Variants in GOLGA4 observed in about 807,000 individuals in gnomAD.
GOLGA4 encodes golgin A4.
In GOLGA4, 169 loss-of-function variants were observed where a neutral mutation model predicts 265.9. The ratio of observed to expected loss-of-function variants is 0.64; its 90% CI spans 0.56 to 0.72. The LOEUF (loss-of-function observed/expected upper bound fraction) is 0.72. Among genes scored for constraint, GOLGA4 ranks in the 30% least tolerant of loss-of-function variants. The pLI, the probability that GOLGA4 is intolerant of heterozygous loss-of-function variation, is 0.00. For missense variants in GOLGA4, 2,482 were observed against 2,483.4 expected, an observed-to-expected ratio of 1.00 and a Z score of 0.01; for synonymous variants, 923 against 855.8, an observed-to-expected ratio of 1.08 and a Z score of -1.37.
chr3:37,329,252 T>G, intron 16 of GOLGA4, 159 bp downstream of exon 16: 1 of 511,356 alleles, frequency 2.0e-6, no homozygotes, highest in Non-Finnish European at 3.3e-6. Flanking sequence ...TGCAGATTTA[T>G]AAAGTTGAGT....
chr3:37,306,501 CTGTGTGTGTGTGTGTGTG>C (rs35641880), intron 10 of GOLGA4, among the ~76,000 whole-genome samples: 15 of 140,212 alleles, frequency 1.1e-4, no homozygotes, highest in Admixed American at 1.4e-4. Context: ...TGGCTGTTCT[CTGTGTGTGTGTGTGTGTG>C]TGTGTGTGTG....
intron 2 of GOLGA4, among the ~76,000 whole-genome samples, chr3:37,257,931 ATATACATACATATATATGTATG>A (rs2096754607): frequency 8.9e-6 from 1 of 111,888 alleles, no homozygotes; most frequent in African/African-American, 4.3e-5. Flanking sequence ...ATATATGTAT[ATATACATACATATATATGTATG>A]TATATATGTA....
At chr3:37,316,156 C>T (rs900730695) in intron 11 of GOLGA4, among the ~76,000 whole-genome samples, 18 of 151,372 alleles carry the variant, frequency 1.2e-4, no homozygotes, top group African/African-American at 4.1e-4. Context: ...ATCATCATGG[C>T]CCCTCCCTGC....
chr3:37,315,669 T>C, intron 11 of GOLGA4, 71 bp downstream of exon 11: 1 of 1,235,820 alleles, frequency 8.1e-7, no homozygotes, highest in South Asian at 1.3e-5. Context: ...CTTACACTCT[T>C]TGACTGTAAA....
chr3:37,321,631 T>G lies in GOLGA4; in HGVS notation c.1546-100T>G. The G allele has an allele frequency of 4.8e-6, 5 of 1,043,256 alleles. No individual in the cohort carries two copies. The South Asian group carries it at 8.0e-5, about 17-fold the overall frequency. The allele number at this position is 1,043,256 out of a possible 1,614,324, so 64.6% of individuals were successfully genotyped here. ...GATGACGTTACCTATCCAACAGGGC[T>G]GGGTGCAGATCAAAAGAAATGAATG... is the stretch of plus-strand genomic sequence containing the variant. On this transcript the variant is annotated intron_variant, in intron 12 of 23. Coordinates refer to ENST00000361924, the MANE Select transcript of GOLGA4 (RefSeq NM_002078.5).
intron 2 of GOLGA4, among the ~76,000 whole-genome samples, chr3:37,265,409 A>G (rs1225995796): frequency 6.6e-6 from 1 of 152,232 alleles, no homozygotes; most frequent in Non-Finnish European, 1.5e-5. Context: ...GTATGTAAGT[A>G]CAAATAAATG....
chr3:37,304,753 A>C (rs949424824), intron 10 of GOLGA4, among the ~76,000 whole-genome samples: 21 of 152,090 alleles, frequency 1.4e-4, no homozygotes, highest in African/African-American at 4.6e-4. Flanking sequence ...TGCGGATAAA[A>C]TTTTCTGGTA....
At chr3:37,302,550 C>T (rs186623249) in intron 10 of GOLGA4, among the ~76,000 whole-genome samples, 1 of 152,292 alleles carries the variant, frequency 6.6e-6, no homozygotes. Context: ...AGCCCTTAGG[C>T]TAAGGATGAT....
intron 9 of GOLGA4, among the ~76,000 whole-genome samples, chr3:37,300,415 G>A (rs577234897): frequency 2.6e-5 from 4 of 152,024 alleles, no homozygotes; most frequent in East Asian, 1.9e-4. Flanking sequence ...AAATGTATTG[G>A]CAATCTTTTT....
At chr3:37,309,037 GA>G (rs1252661993) in intron 10 of GOLGA4, among the ~76,000 whole-genome samples, 2 of 151,270 alleles carry the variant, frequency 1.3e-5, no homozygotes, top group East Asian at 2.0e-4. Context: ...GATCACTTGA[GA>G]GCCAGGGGTT....
At chr3:37,260,827 TA>T (rs1203407761) in intron 2 of GOLGA4, among the ~76,000 whole-genome samples, 1 of 151,884 alleles carries the variant, frequency 6.6e-6, no homozygotes, top group Non-Finnish European at 1.5e-5. Flanking sequence ...CTGAAATAAA[TA>T]ATAATAGTTT....
rs1227210968 is a variant in GOLGA4 at position 37,366,751 on chromosome 3, A to G, written c.*705A>G. On this transcript the variant is annotated 3_prime_UTR_variant, in exon 24 of 24. Transcript: ENST00000361924. The stretch of plus-strand genomic sequence containing the variant: ...AAATAAAGTTTATTTACTATATAAC[A>G]TTTGTTTATTGTACTTGTTCCTCAG... The G allele has an allele frequency of 2.6e-5, 4 of 152,514 alleles. No individual in the cohort carries two copies. Among genetic ancestry groups the G allele is most frequent in the African/African-American group, 9.6e-5 (4 of 41,474 alleles). 9.4% of individuals were successfully genotyped at this position (152,514 alleles called of 1,614,324 possible).
chr3:37,335,514 T>G (rs1194473402), intron 17 of GOLGA4, among the ~76,000 whole-genome samples: 4 of 152,182 alleles, frequency 2.6e-5, no homozygotes, highest in African/African-American at 4.8e-5. Context: ...TGGTCCATTG[T>G]AAATGTGATA....
At chr3:37,276,483 G>A (rs895887806) in intron 2 of GOLGA4, 45 of 1,610,152 alleles carry the variant, frequency 2.8e-5, no homozygotes, top group Non-Finnish European at 3.4e-5. Context: ...TTCACATGTG[G>A]CAAATGTAAA....
chr3:37,281,961 G>C lies in GOLGA4; in HGVS notation c.166G>C (p.Gly56Arg). The change falls in exon 3 of 24, where the codon GGT becomes CGT. Residue 56 changes from glycine to arginine, a missense_variant. By Grantham distance (125) the Gly-to-Arg change is moderately radical. Transcript: ENST00000361924. ...TTCTGTTGGGTTTTGGTTGCAGTCA[G>C]GTGACACACAGTCTTTTGCACAGAA... is the stretch of plus-strand genomic sequence containing the variant. ...LDEGTPNRESGDTQSFAQKLQ... is the reference protein window; with the variant it reads ...LDEGTPNRESRDTQSFAQKLQ... The C allele has an allele frequency of 1.2e-6, 2 of 1,610,102 alleles. No individual in the cohort carries two copies. Among genetic ancestry groups the C allele is most frequent in the Non-Finnish European group, 1.7e-6 (2 of 1,177,256 alleles).
At chr3:37,355,998 A>G (rs1301242015) in intron 22 of GOLGA4, among the ~76,000 whole-genome samples, 2 of 152,078 alleles carry the variant, frequency 1.3e-5, no homozygotes, top group African/African-American at 4.8e-5. Context: ...CTTTTCCTTA[A>G]TGGTGGGTTA....
rs574043278 is a variant in GOLGA4, at chr3:37,336,316, G to A, written c.6307-827G>A. 1.3e-3 allele frequency among the ~76,000 whole-genome samples: 204 copies of A among 152,144 alleles called. 1 individual carries two copies. Among genetic ancestry groups the A allele is most frequent in the African/African-American group, 4.7e-3 (195 of 41,498 alleles). On this transcript the variant is annotated intron_variant, in intron 17 of 23. Transcript: ENST00000361924. ...TTTGAGAAAATACATGTATTTAACT[G>A]TCTAACATGAGCGTTTCCTTAGTAT...
intron 23 of GOLGA4, 150 bp downstream of exon 23, chr3:37,361,455 T>C: frequency 4.0e-6 from 2 of 500,928 alleles, no homozygotes; most frequent in Non-Finnish European, 7.2e-6. Flanking sequence ...CATTCTGTTA[T>C]ATGGATCGAT....
At chr3:37,271,319 A>G (rs1323520321) in intron 2 of GOLGA4, among the ~76,000 whole-genome samples, 1 of 152,202 alleles carries the variant, frequency 6.6e-6, no homozygotes, top group Non-Finnish European at 1.5e-5. Context: ...GGTAGATGCC[A>G]TGTAGGCAAC....
Sources: allele counts gnomAD v4.1 joint callset (sites outside exome capture counted in the v4.1 genomes callset), GRCh38; gene constraint gnomAD v4.1.1; transcripts MANE v1.5; gene names NCBI Gene and HGNC (gene_info 2026-07-23, HGNC 2026-07-21).